TDRD3: variants seen among roughly 807,000 people sequenced by gnomAD.
The protein encoded by TDRD3 is tudor domain-containing protein 3.
Under a neutral mutation model 86.7 loss-of-function variants are expected in TDRD3, and 45 were observed. The ratio of observed to expected loss-of-function variants is 0.52; its 90% CI spans 0.41 to 0.67. The LOEUF is 0.67. Ranked by LOEUF, TDRD3 falls within the 30% of genes least tolerant of loss-of-function variation. The pLI is 0.00. For synonymous variants in TDRD3, 298 were observed against 301.7 expected (o/e 0.99, Z 0.13); for missense variants, 814 against 889.0 (o/e 0.92, Z 1.07).
intron 12 of TDRD3, among the ~76,000 whole-genome samples, chr13:60,542,152 C>T (rs17189391): frequency 0.15 from 22,850 of 152,092 alleles, 2,151 homozygotes; most frequent in South Asian, 0.28. Context: ...ACTTGTTCTC[C>T]TGGAAGTGCA....
intron 8 of TDRD3, among the ~76,000 whole-genome samples, chr13:60,497,418 A>C (rs1027273849): frequency 2.0e-5 from 3 of 152,136 alleles, no homozygotes; most frequent in African/African-American, 7.2e-5. Context: ...TTAGCATTTT[A>C]GTGAGCTCTC....
intron 3 of TDRD3, among the ~76,000 whole-genome samples, 176 bp downstream of exon 3, chr13:60,444,924 T>C (rs1193591990): frequency 6.6e-6 from 1 of 151,972 alleles, no homozygotes; most frequent in South Asian, 2.1e-4. Context: ...GAATTCAACT[T>C]TTGGTGACTT....
chr13:60,525,780 A>G (rs1317257671), intron 10 of TDRD3, among the ~76,000 whole-genome samples: 1 of 152,164 alleles, frequency 6.6e-6, no homozygotes, highest in East Asian at 1.9e-4. Context: ...CTGGTGCATG[A>G]GAGTGCTTGA....
At chr13:60,552,675 C>A (rs1041473452) in intron 12 of TDRD3, among the ~76,000 whole-genome samples, 40 of 152,240 alleles carry the variant, frequency 2.6e-4, no homozygotes, top group African/African-American at 8.9e-4. Context: ...CATGAGGGCT[C>A]TGTCCCTGCA....
intron 5 of TDRD3, among the ~76,000 whole-genome samples, chr13:60,480,672 T>G (rs190276051): frequency 2.0e-3 from 305 of 152,156 alleles, no homozygotes; most frequent in Admixed American, 3.9e-3. Context: ...TTCTTAGAGG[T>G]TTTGTTCATT....
At chr13:60,570,422 G>T (rs903005717) in intron 13 of TDRD3, among the ~76,000 whole-genome samples, 10 of 152,144 alleles carry the variant, frequency 6.6e-5, no homozygotes, top group Non-Finnish European at 1.5e-4. Flanking sequence ...ATGCTAGCAA[G>T]GATGTGGAGA....
chr13:60,494,674 TG>T, intron 8 of TDRD3, 99 bp downstream of exon 8: 2 of 1,064,830 alleles, frequency 1.9e-6, no homozygotes, highest in South Asian at 4.7e-5. Flanking sequence ...CAATGTATTA[TG>T]GATAGATGTT....
chr13:60,462,642 C>T (rs1459082693), intron 4 of TDRD3, among the ~76,000 whole-genome samples: 1 of 152,038 alleles, frequency 6.6e-6, no homozygotes, highest in African/African-American at 2.4e-5. Flanking sequence ...ACTTTTCTGT[C>T]CTACCTCCTG....
At chr13:60,528,284 A>G (rs1389396837) in intron 10 of TDRD3, 83 bp from the exon 11 acceptor site, 20 of 1,376,520 alleles carry the variant, frequency 1.5e-5, no homozygotes, top group African/African-American at 4.4e-5. Flanking sequence ...ATAATTTTGT[A>G]TTAATAGAAT....
At chr13:60,531,751 A>G (rs1957586771) in intron 11 of TDRD3, among the ~76,000 whole-genome samples, 1 of 152,302 alleles carries the variant, frequency 6.6e-6, no homozygotes, top group African/African-American at 2.4e-5. Flanking sequence ...TTTTACTGGG[A>G]AAAAAATAAC....
intron 1 of TDRD3, among the ~76,000 whole-genome samples, chr13:60,416,240 G>A (rs909716843): frequency 6.6e-6 from 1 of 152,144 alleles, no homozygotes; most frequent in African/African-American, 2.4e-5. Context: ...AGAGGAAGAT[G>A]TGGAAGTACT....
rs180680026 is a variant in TDRD3 at position 60,474,354 on chromosome 13, G to A, written c.495+6975G>A. 5.3e-5 allele frequency among the ~76,000 whole-genome samples: 8 copies of A among 152,170 alleles called. No homozygotes were observed. The East Asian group carries it at 9.7e-4, about 18-fold the overall frequency. On this transcript the variant is annotated intron_variant, in intron 5 of 13. Coordinates refer to ENST00000377881, the MANE Select transcript of TDRD3 (RefSeq NM_001146070.2). ...GCATTCGGGGTCACTACCGGTCTCC[G>A]CGCCTTGGTGGTAGTGGCCCCCCCC...
chr13:60,396,331 C>T (rs940471541), upstream of TDRD3: 2 of 152,264 alleles, frequency 1.3e-5, no homozygotes, highest in Non-Finnish European at 2.9e-5. Flanking sequence ...TTAGGGAGCG[C>T]CTCTTGGGCC....
chr13:60,464,745 A>G (rs887448261), intron 4 of TDRD3, among the ~76,000 whole-genome samples: 8 of 151,906 alleles, frequency 5.3e-5, no homozygotes, highest in African/African-American at 1.7e-4. Flanking sequence ...TGTGGGAACT[A>G]AAAAAAATTG....
intron 6 of TDRD3, chr13:60,484,858 C>A: frequency 3.2e-6 from 1 of 314,040 alleles, no homozygotes. Context: ...TAAAAATTTA[C>A]CCTTAAACAT....
chr13:60,514,307 G>A (rs964179567), intron 10 of TDRD3, among the ~76,000 whole-genome samples: 1 of 152,162 alleles, frequency 6.6e-6, no homozygotes, highest in Non-Finnish European at 1.5e-5. Context: ...CCTGGTTGCT[G>A]TTAAAGGCAT....
At chr13:60,483,654 CT>C (rs903415032) in intron 5 of TDRD3, 120 bp from the exon 6 acceptor site, 375 of 826,632 alleles carry the variant, frequency 4.5e-4, no homozygotes, top group African/African-American at 2.2e-3. Context: ...CATGGAAGGC[CT>C]TTTTTTTTCC....
At chr13:60,450,510 A>G (rs1278120816) in intron 3 of TDRD3, among the ~76,000 whole-genome samples, 3 of 152,202 alleles carry the variant, frequency 2.0e-5, no homozygotes, top group Admixed American at 2.0e-4. Flanking sequence ...TAGTAAATAC[A>G]AATAATCCTA....
In TDRD3 at chr13:60,573,870, T is replaced by C. The variant is rs950289227; in HGVS notation, c.*264T>C. 1.3e-5 allele frequency: 2 copies of C among 157,360 alleles called. No individual in the cohort carries two copies. The highest frequency in any genetic ancestry group is 4.8e-5 in the African/African-American group (2 of 41,520). 9.7% of individuals were successfully genotyped at this position (157,360 alleles called of 1,614,324 possible). Reference sequence around the variant, plus strand: ...GCCGTCAATAAAACCATTGTGCTATTATTGTTTTACTGTGTGTTTTATTTG... The same window carrying C: ...GCCGTCAATAAAACCATTGTGCTATCATTGTTTTACTGTGTGTTTTATTTG... On this transcript the variant is annotated 3_prime_UTR_variant, in exon 14 of 14. Transcript: ENST00000377881.
Sources: gnomAD v4.1 joint callset for allele counts (sites outside exome capture counted in the v4.1 genomes callset) on GRCh38, gnomAD v4.1.1 for gene constraint, MANE v1.5 for transcripts, NCBI Gene and HGNC (gene_info 2026-07-23, HGNC 2026-07-21) for gene names.